The following GRIK4 variants were observed in gnomAD, a reference collection of about 807,000 sequenced individuals.
The protein encoded by GRIK4 is glutamate receptor ionotropic, kainate 4.
GRIK4 carries 40 observed loss-of-function variants against 104.9 expected under a neutral mutation model. The ratio of observed to expected loss-of-function variants is 0.38; its 90% CI spans 0.30 to 0.50. The LOEUF is 0.50. Among genes scored for constraint, GRIK4 ranks in the 20% least tolerant of loss-of-function variants. GRIK4 has a pLI of 0.93. For missense variants in GRIK4, 1,047 were observed against 1,308.1 expected, an observed-to-expected ratio of 0.80 and a Z score of 3.08; for synonymous variants, 485 against 524.9, an observed-to-expected ratio of 0.92 and a Z score of 1.04.
intron 11 of GRIK4, among the ~76,000 whole-genome samples, chr11:120,878,621 C>T (rs977272391): frequency 1.3e-5 from 2 of 149,150 alleles, no homozygotes; most frequent in Non-Finnish European, 3.0e-5. Context: ...CCGCCCCCCC[C>T]CCTTTTTTCA....
chr11:120,688,480 G>T (rs1591805721), intron 3 of GRIK4, among the ~76,000 whole-genome samples: 2 of 152,332 alleles, frequency 1.3e-5, no homozygotes, highest in Admixed American at 1.3e-4. Flanking sequence ...CATGAAGAAG[G>T]CAGGGAAATG....
intron 6 of GRIK4, among the ~76,000 whole-genome samples, chr11:120,830,308 T>C (rs879893719): frequency 6.6e-6 from 1 of 152,034 alleles, no homozygotes; most frequent in Non-Finnish European, 1.5e-5. Context: ...GAGTTTGTCC[T>C]CCGAGGCAGC....
intron 3 of GRIK4, among the ~76,000 whole-genome samples, chr11:120,755,511 G>A (rs749679212): frequency 2.6e-5 from 4 of 152,092 alleles, no homozygotes; most frequent in Non-Finnish European, 4.4e-5. Flanking sequence ...GGGAGGCTGA[G>A]GTGGGAGGAT....
intron 1 of GRIK4, among the ~76,000 whole-genome samples, chr11:120,522,337 T>C (rs990142972): frequency 6.6e-6 from 1 of 152,126 alleles, no homozygotes; most frequent in Non-Finnish European, 1.5e-5. Flanking sequence ...TTCTTTCTTT[T>C]TTGAGATGGA....
chr11:120,739,868 A>C (rs1490775416), intron 3 of GRIK4, among the ~76,000 whole-genome samples: 1 of 152,182 alleles, frequency 6.6e-6, no homozygotes, highest in Non-Finnish European at 1.5e-5. Context: ...CCTAAACCAG[A>C]GGTGACTTTT....
chr11:120,831,743 C>CTCGGTGGT, intron 6 of GRIK4, 109 bp from the exon 7 acceptor site: 3 of 757,892 alleles, frequency 4.0e-6, no homozygotes, highest in Non-Finnish European at 2.2e-6. Context: ...GGGGCCAGAC[C>CTCGGTGGT]CCCCGACCCC....
intron 1 of GRIK4, among the ~76,000 whole-genome samples, chr11:120,546,091 A>G (rs1948083104): frequency 6.6e-6 from 1 of 152,100 alleles, no homozygotes; most frequent in Admixed American, 6.5e-5. Flanking sequence ...TGGGTGGGTC[A>G]GGTGTTGGCC....
At position 120,557,398 on chromosome 11, in the gene GRIK4, G is replaced by A. The variant is rs977708311; in HGVS notation, c.-159+45511G>A. 4.3e-4 allele frequency among the ~76,000 whole-genome samples: 65 copies of A among 152,300 alleles called. 1 individual carries two copies. Among genetic ancestry groups the A allele is most frequent in the Non-Finnish European group, 8.8e-5 (6 of 68,030 alleles). On this transcript the variant is annotated intron_variant, in intron 1 of 20. Coordinates refer to ENST00000527524, the MANE Select transcript of GRIK4 (RefSeq NM_014619.5). ...CCTGGCTGCTGCTGTCCTGTCCACC[G>A]CAGCCTCTTCTCTTGACCACTTGTT...
chr11:120,615,890 A>G (rs1405370091), intron 1 of GRIK4, among the ~76,000 whole-genome samples: 1 of 151,072 alleles, frequency 6.6e-6, no homozygotes, highest in Non-Finnish European at 1.5e-5. Flanking sequence ...TAGCGTCCTC[A>G]TCTGCTAAGT....
At chr11:120,852,179 C>T (rs1378126176) in intron 8 of GRIK4, among the ~76,000 whole-genome samples, 2 of 152,196 alleles carry the variant, frequency 1.3e-5, no homozygotes, top group East Asian at 3.8e-4. Flanking sequence ...ACTTATTTAG[C>T]ACCTAGAGAC....
At chr11:120,984,483 C>T (rs674352) in intron 20 of GRIK4, among the ~76,000 whole-genome samples, 35,509 of 152,082 alleles carry the variant, frequency 0.23, 4,345 homozygotes, top group African/African-American at 0.3. Flanking sequence ...AATACAGGCC[C>T]ATCGGCCAGG....
intron 8 of GRIK4, among the ~76,000 whole-genome samples, chr11:120,842,022 G>A (rs1953730186): frequency 6.6e-6 from 1 of 152,120 alleles, no homozygotes; most frequent in Non-Finnish European, 1.5e-5. Context: ...GACCTTTGGA[G>A]GTTCTCTGTC....
chr11:120,660,297 G>T lies in GRIK4; in HGVS notation c.-22G>T, dbSNP rs1259494547. 1 of 1,566,338 alleles carries T rather than the reference G, an allele frequency of 6.4e-7. No individual in the cohort carries two copies. The highest frequency in any genetic ancestry group is 8.8e-7 in the Non-Finnish European group (1 of 1,137,548). On this transcript the variant is annotated 5_prime_UTR_variant, in exon 3 of 21. Transcript: ENST00000527524. ...TATGTCATGCCCAGGCCAGCAGGGG[G>T]CTCCATGAGGATTCATAGAAGATGC...
chr11:120,921,932 G>A lies in GRIK4; in HGVS notation c.1476+16439G>A, dbSNP rs377036281. 6.6e-4 allele frequency among the ~76,000 whole-genome samples: 101 copies of A among 152,260 alleles called. 3 individuals are homozygous for A. The South Asian group carries it at 0.021, about 31-fold the overall frequency. ...CTTTAGGATAAATCTGCTCTATCAA[G>A]CTTGCAGGCTTTCTTTCCTGAAGTA... On this transcript the variant is annotated intron_variant, in intron 13 of 20. Transcript: ENST00000527524.
At chr11:120,558,017 CAAAAAAAAAA>C (rs59960959) in intron 1 of GRIK4, among the ~76,000 whole-genome samples, 6 of 39,596 alleles carry the variant, frequency 1.5e-4, no homozygotes, top group African/African-American at 4.3e-4. Context: ...GACTCCGTCT[CAAAAAAAAAA>C]AAAAAAAAAA....
rs115007090 is a variant in GRIK4, at chr11:120,832,943, G to A, written c.690+913G>A. On this transcript the variant is annotated intron_variant, in intron 7 of 20. Transcript: ENST00000527524. ...GGCGGCTCCCCCAACCTCTCCAGGCGCACTGGCCTCTTCTAATGCCATTTT... is the reference window on the plus strand; with the variant it reads ...GGCGGCTCCCCCAACCTCTCCAGGCACACTGGCCTCTTCTAATGCCATTTT... Among the ~76,000 whole-genome samples, 1,084 of 152,242 alleles carry A rather than the reference G, an allele frequency of 7.1e-3. 16 individuals are homozygous for A. The highest frequency in any genetic ancestry group is 0.024 in the African/African-American group (1,001 of 41,528).
At chr11:120,529,030 C>T (rs962065163) in intron 1 of GRIK4, among the ~76,000 whole-genome samples, 1 of 152,148 alleles carries the variant, frequency 6.6e-6, no homozygotes, top group African/African-American at 2.4e-5. Flanking sequence ...GCCTGCAACT[C>T]CTCCTTCCAC....
intron 11 of GRIK4, among the ~76,000 whole-genome samples, chr11:120,876,196 A>G (rs1954789038): frequency 6.8e-6 from 1 of 146,584 alleles, no homozygotes; most frequent in Non-Finnish European, 1.5e-5. Flanking sequence ...CATCACCACT[A>G]CAACCACCAC....
intron 1 of GRIK4, among the ~76,000 whole-genome samples, chr11:120,554,731 G>A (rs929776955): frequency 2.6e-5 from 4 of 152,060 alleles, no homozygotes; most frequent in African/African-American, 2.4e-5. Flanking sequence ...GCTGATTTTT[G>A]TGTTTTTAGT....
Sources: gnomAD v4.1 joint callset for allele counts (sites outside exome capture counted in the v4.1 genomes callset) on GRCh38, gnomAD v4.1.1 for gene constraint, MANE v1.5 for transcripts, NCBI Gene and HGNC (gene_info 2026-07-23, HGNC 2026-07-21) for gene names.